Variants in ANO5 observed in about 807,000 individuals in gnomAD.
ANO5 encodes the protein anoctamin-5.
A neutral mutation model predicts 121.0 loss-of-function variants in ANO5; 109 were observed. That is an observed-to-expected ratio of 0.90 (90% CI 0.77 to 1.06). ANO5 has a LOEUF of 1.06. ANO5 is among the 50% of genes least tolerant of loss of function. The pLI, the probability that ANO5 is intolerant of heterozygous loss-of-function variation, is 0.00. For synonymous variants in ANO5, 406 were observed against 359.9 expected (o/e 1.13, Z -1.45); for missense variants, 1,064 against 1,078.5 (o/e 0.99, Z 0.19).
intron 16 of ANO5, 129 bp from the exon 17 acceptor site, chr11:22,262,817 A>T (rs1039987522): frequency 4.0e-6 from 3 of 750,924 alleles, no homozygotes; most frequent in Non-Finnish European, 7.0e-6. Context: ...CTATTGGGCT[A>T]AATATATCTT....
chr11:22,257,376 C>G (rs544088273), intron 13 of ANO5, among the ~76,000 whole-genome samples: 4 of 152,204 alleles, frequency 2.6e-5, no homozygotes, highest in East Asian at 1.9e-4. Context: ...TAGGCAGCAA[C>G]CTTCATTATT....
At chr11:22,272,074 A>G (rs1854636563) in intron 18 of ANO5, among the ~76,000 whole-genome samples, 3 of 152,028 alleles carry the variant, frequency 2.0e-5, no homozygotes, top group Admixed American at 1.3e-4. Flanking sequence ...TTTTTCTTCA[A>G]TCATGTGGGA....
At chr11:22,263,190 G>A (rs898394806) in intron 17 of ANO5, 147 bp downstream of exon 17, 17 of 638,254 alleles carry the variant, frequency 2.7e-5, no homozygotes, top group Admixed American at 5.7e-5. Flanking sequence ...CAACAGTGAA[G>A]GTTGCATTAA....
intron 15 of ANO5, 137 bp from the exon 16 acceptor site, chr11:22,261,992 G>A (rs1854201781): frequency 1.4e-6 from 1 of 733,062 alleles, no homozygotes; most frequent in Non-Finnish European, 2.3e-6. Context: ...ACTTAATATT[G>A]GCCTACTATC....
Position 22,193,195 on chromosome 11 carries a change from C to G in ANO5, c.-298C>G. 7.9e-7 allele frequency: 1 copy of G among 1,268,866 alleles called. No individual in the cohort carries two copies. Among genetic ancestry groups the G allele is most frequent in the South Asian group, 1.7e-5 (1 of 60,236 alleles). 78.6% of individuals were successfully genotyped at this position (1,268,866 alleles called of 1,614,324 possible). On this transcript the variant is annotated 5_prime_UTR_variant, in exon 1 of 22. Coordinates refer to ENST00000324559, the MANE Select transcript of ANO5 (RefSeq NM_213599.3). ...ACTGGGAGAGCGCCCAGGAGCGCTA[C>G]CGGCTGAGGGTGGGGAAGCGCAGGG...
At chr11:22,268,024 G>C (rs2133767943) in intron 17 of ANO5, among the ~76,000 whole-genome samples, 1 of 152,222 alleles carries the variant, frequency 6.6e-6, no homozygotes, top group South Asian at 2.1e-4. Flanking sequence ...TGGACATTTA[G>C]GTTGATTCCA....
At chr11:22,235,448 C>T (rs1321694736) in intron 7 of ANO5, among the ~76,000 whole-genome samples, 1 of 151,476 alleles carries the variant, frequency 6.6e-6, no homozygotes, top group East Asian at 1.9e-4. Context: ...AGAACTACAA[C>T]CATTCCAATC....
intron 1 of ANO5, among the ~76,000 whole-genome samples, chr11:22,198,003 TATGA>T (rs1388724803): frequency 6.6e-6 from 1 of 151,914 alleles, no homozygotes; most frequent in Non-Finnish European, 1.5e-5. Flanking sequence ...CATGAGGGAG[TATGA>T]AAGTGTCTGA....
At chr11:22,201,929 G>A (rs890975009) in intron 1 of ANO5, among the ~76,000 whole-genome samples, 1 of 152,024 alleles carries the variant, frequency 6.6e-6, no homozygotes, top group African/African-American at 2.4e-5. Context: ...TCCTTACAGA[G>A]GAATAATTGT....
intron 12 of ANO5, among the ~76,000 whole-genome samples, chr11:22,251,901 G>A (rs1333925259): frequency 1.3e-5 from 2 of 151,570 alleles, no homozygotes; most frequent in Non-Finnish European, 2.9e-5. Flanking sequence ...GTGGTGGCAG[G>A]TGCCTGTAGT....
chr11:22,195,454 G>C (rs946704523), intron 1 of ANO5, among the ~76,000 whole-genome samples: 2 of 151,544 alleles, frequency 1.3e-5, no homozygotes, highest in East Asian at 3.9e-4. Context: ...TTTGAGACAG[G>C]GTCTGGCTCT....
At chr11:22,206,017 T>A (rs1852110045) in intron 2 of ANO5, among the ~76,000 whole-genome samples, 1 of 152,172 alleles carries the variant, frequency 6.6e-6, no homozygotes, top group Non-Finnish European at 1.5e-5. Context: ...ATGGTCTCAT[T>A]GGAGAATTCT....
At chr11:22,231,551 G>T (rs1454465594) in intron 7 of ANO5, among the ~76,000 whole-genome samples, 1 of 151,388 alleles carries the variant, frequency 6.6e-6, no homozygotes, top group African/African-American at 2.4e-5. Context: ...CATTTTAATG[G>T]TTCTTTATAT....
intron 17 of ANO5, among the ~76,000 whole-genome samples, chr11:22,267,524 A>ATATATATATATATATAT (rs141657651): frequency 2.8e-5 from 4 of 144,640 alleles, no homozygotes; most frequent in East Asian, 2.1e-4. Flanking sequence ...ATATATATAT[A>ATATATATATATATATAT]AAATCTATCT....
chr11:22,251,461 A>G (rs2133706620), intron 12 of ANO5, among the ~76,000 whole-genome samples: 1 of 152,306 alleles, frequency 6.6e-6, no homozygotes, highest in Admixed American at 6.5e-5. Flanking sequence ...TCATTCATTA[A>G]AAATCCTTCA....
At chr11:22,207,767 C>T (rs1185392811) in intron 2 of ANO5, among the ~76,000 whole-genome samples, 1 of 151,898 alleles carries the variant, frequency 6.6e-6, no homozygotes, top group African/African-American at 2.4e-5. Flanking sequence ...TAAATATTTG[C>T]ATATTCTGTA....
intron 3 of ANO5, among the ~76,000 whole-genome samples, chr11:22,217,626 G>T (rs934480746): frequency 5.3e-5 from 8 of 150,428 alleles, no homozygotes; most frequent in Non-Finnish European, 7.4e-5. Flanking sequence ...TACATCCTTT[G>T]CAGGGACATG....
upstream of ANO5, chr11:22,192,947 C>G (rs939218107): frequency 1.0e-5 from 10 of 982,586 alleles, no homozygotes; most frequent in Non-Finnish European, 1.2e-5. Flanking sequence ...CAGCGTGGAG[C>G]CAGCCGGGCC....
At chr11:22,221,239 A>G (rs768764621) in intron 5 of ANO5, 29 bp downstream of exon 5, 18 of 1,515,404 alleles carry the variant, frequency 1.2e-5, no homozygotes, top group African/African-American at 2.8e-5. Flanking sequence ...AAGTGGGAAT[A>G]ATAAAAAGAA....
Sources: allele counts gnomAD v4.1 joint callset (sites outside exome capture counted in the v4.1 genomes callset), GRCh38; gene constraint gnomAD v4.1.1; transcripts MANE v1.5; gene names NCBI Gene and HGNC (gene_info 2026-07-23, HGNC 2026-07-21).